KIF26B: variants seen among roughly 807,000 people sequenced by gnomAD.
KIF26B encodes the protein kinesin family member 26B.
KIF26B carries 63 observed loss-of-function variants against 151.2 expected under a neutral mutation model. That is an observed-to-expected ratio of 0.42 (90% CI 0.34 to 0.51). The LOEUF is 0.51. Among genes scored for constraint, KIF26B ranks in the 20% least tolerant of loss-of-function variants. The probability of loss-of-function intolerance (pLI) is 0.07; values close to 1 mark genes in which losing one functional copy is unlikely to be tolerated. For missense variants in KIF26B, 2,813 were observed against 2,913.6 expected (o/e 0.97, Z 0.79); for synonymous variants, 1,357 against 1,262.1 (o/e 1.08, Z -1.59).
chr1:245,369,003 T>A (rs570193686), intron 3 of KIF26B, among the ~76,000 whole-genome samples: 1 of 152,114 alleles, frequency 6.6e-6, no homozygotes, highest in East Asian at 1.9e-4. Flanking sequence ...CCAAGTATGG[T>A]GGCATGCGCC....
chr1:245,691,378 A>G (rs4658796), intron 12 of KIF26B, among the ~76,000 whole-genome samples: 95,254 of 152,086 alleles, frequency 0.63, 31,065 homozygotes, highest in Middle Eastern at 0.76. Context: ...TTAAAATGCC[A>G]GGGCAGGTGC....
intron 2 of KIF26B, among the ~76,000 whole-genome samples, chr1:245,320,192 C>T (rs1470729739): frequency 2.6e-5 from 4 of 152,206 alleles, no homozygotes; most frequent in South Asian, 2.1e-4. Flanking sequence ...AGCAATGTGC[C>T]GTGCACACCA....
intron 9 of KIF26B, among the ~76,000 whole-genome samples, chr1:245,628,221 T>C (rs1254745187): frequency 6.6e-6 from 1 of 151,980 alleles, no homozygotes; most frequent in African/African-American, 2.4e-5. Context: ...CAGTGGCTCA[T>C]GCCCATAACC....
At chr1:245,517,125 G>A (rs1170674731) in intron 4 of KIF26B, among the ~76,000 whole-genome samples, 1 of 152,246 alleles carries the variant, frequency 6.6e-6, no homozygotes, top group Non-Finnish European at 1.5e-5. Context: ...CAGCCGCCAA[G>A]GCGGGCAGAT....
At chr1:245,571,160 A>AACACCT (rs1344311565) in intron 5 of KIF26B, among the ~76,000 whole-genome samples, 1 of 152,174 alleles carries the variant, frequency 6.6e-6, no homozygotes, top group Non-Finnish European at 1.5e-5. Flanking sequence ...GATTCAGCAA[A>AACACCT]ACACCTAGTA....
In KIF26B at chr1:245,687,110, C is replaced by A. The variant is rs1229297246; in HGVS notation, c.4127C>A (p.Ala1376Asp). The A allele has an allele frequency of 1.2e-6, 2 of 1,613,414 alleles. No individual in the cohort carries two copies. The highest frequency in any genetic ancestry group is 1.7e-6 in the Non-Finnish European group (2 of 1,179,842). ...GCCATGGTCACCATCTCCAACACGG[C>A]CAATCTGAGCAGCTGCGAGGGGTAC... ...SKAMVTISNT[A>D]NLSSCEGYIP... Residue 1376 changes from alanine (A) to aspartate (D), a missense_variant, in exon 12 of 15, where the codon GCC (alanine) becomes GAC (aspartate). Physicochemically the swap from Ala to Asp is moderately radical, Grantham distance 126 (BLOSUM62 -2). Transcript: ENST00000407071. This position sits in a 1 kb window ranked among gnomAD's most constrained non-coding sequence, Gnocchi z 4.9.
chr1:245,245,944 T>C (rs1331865910), intron 2 of KIF26B, among the ~76,000 whole-genome samples: 1 of 47,610 alleles, frequency 2.1e-5, no homozygotes, highest in Admixed American at 1.9e-4. Flanking sequence ...AAAAAAAAAT[T>C]AGCCAGGCAT....
chr1:245,429,186 G>A (rs1658718292), intron 4 of KIF26B, among the ~76,000 whole-genome samples: 1 of 152,178 alleles, frequency 6.6e-6, no homozygotes, highest in Admixed American at 6.5e-5. Flanking sequence ...AAATGAAAAT[G>A]TGATAGTCCT....
At chr1:245,599,836 A>T (rs949653403) in intron 5 of KIF26B, among the ~76,000 whole-genome samples, 1 of 152,100 alleles carries the variant, frequency 6.6e-6, no homozygotes, top group Non-Finnish European at 1.5e-5. Context: ...GAATAAGAAA[A>T]TTGCCAGAAT....
At chr1:245,547,954 G>A (rs1214989803) in intron 5 of KIF26B, among the ~76,000 whole-genome samples, 1 of 152,144 alleles carries the variant, frequency 6.6e-6, no homozygotes, top group Admixed American at 6.5e-5. Flanking sequence ...ACAGAATTTA[G>A]CATCCACTTT....
intron 2 of KIF26B, among the ~76,000 whole-genome samples, chr1:245,353,458 C>G (rs1020267908): frequency 6.6e-6 from 1 of 152,184 alleles, no homozygotes; most frequent in Non-Finnish European, 1.5e-5. Flanking sequence ...GTAGGGGTGG[C>G]ACACACCGAG....
In KIF26B at chr1:245,308,004, A is replaced by G. The variant is rs146614874; in HGVS notation, c.466-58830A>G. On this transcript the variant is annotated intron_variant, in intron 2 of 14. Coordinates refer to ENST00000407071, the MANE Select transcript of KIF26B (RefSeq NM_018012.4). ...ATCTTTCAGTCCAACTTTGATATCA[A>G]TTGTTAACTCTTGAGACCATTTTCT... Among the ~76,000 whole-genome samples the G allele has an allele frequency of 6.6e-4, 100 of 152,260 alleles. 2 individuals carry two copies. The East Asian group carries it at 0.019, about 29-fold the overall frequency.
chr1:245,638,799 A>T (rs2043858968), intron 9 of KIF26B, among the ~76,000 whole-genome samples: 1 of 151,838 alleles, frequency 6.6e-6, no homozygotes, highest in Non-Finnish European at 1.5e-5. Flanking sequence ...TTTGACTTAC[A>T]TATGTTGAAC....
At chr1:245,441,017 A>C (rs1659066298) in intron 4 of KIF26B, among the ~76,000 whole-genome samples, 2 of 152,324 alleles carry the variant, frequency 1.3e-5, no homozygotes, top group South Asian at 4.1e-4. Flanking sequence ...AGGAAGGTAT[A>C]AAATCCAGAT....
intron 9 of KIF26B, among the ~76,000 whole-genome samples, chr1:245,622,670 T>C (rs539078028): frequency 1.3e-5 from 2 of 152,338 alleles, no homozygotes; most frequent in East Asian, 3.9e-4. Context: ...ATTTTCCTTC[T>C]GTGCAGAGTA....
At chr1:245,691,785 T>C (rs775577820) in intron 12 of KIF26B, among the ~76,000 whole-genome samples, 5 of 152,242 alleles carry the variant, frequency 3.3e-5, no homozygotes, top group Admixed American at 6.5e-5. Flanking sequence ...TCTGATTCCT[T>C]GGTAGTACAT....
Position 245,635,318 on chromosome 1 carries a change from T to A in KIF26B, c.2099-10803T>A, listed in dbSNP as rs140149784. Among the ~76,000 whole-genome samples, 589 of 152,202 alleles carry A rather than the reference T, an allele frequency of 3.9e-3. 9 individuals carry two copies. The highest frequency in any genetic ancestry group is 0.029 in the Admixed American group (437 of 15,286). On this transcript the variant is annotated intron_variant, in intron 9 of 14. Transcript: ENST00000407071. The stretch of plus-strand genomic sequence containing the variant: ...CTACAGATTCTATTTCTTTAATGAA[T>A]CTAGGGCCATTTTTATTATCTATTA...
At chr1:245,404,161 A>T (rs1008566293) in intron 3 of KIF26B, among the ~76,000 whole-genome samples, 2 of 152,124 alleles carry the variant, frequency 1.3e-5, no homozygotes, top group Non-Finnish European at 2.9e-5. Context: ...CTTTCTCTCA[A>T]AAGGTTGTTA....
At chr1:245,249,345 C>T (rs891151096) in intron 2 of KIF26B, among the ~76,000 whole-genome samples, 16 of 152,052 alleles carry the variant, frequency 1.1e-4, no homozygotes, top group East Asian at 9.6e-4. Context: ...GTGATCCGCC[C>T]GCCTTGGCTT....
Sources: allele counts gnomAD v4.1 joint callset (sites outside exome capture counted in the v4.1 genomes callset), GRCh38; gene constraint gnomAD v4.1.1; non-coding constraint Gnocchi (gnomAD v3.1); transcripts MANE v1.5; gene names NCBI Gene and HGNC (gene_info 2026-07-23, HGNC 2026-07-21).